Variants in PLCE1 observed in about 807,000 individuals in gnomAD.
The protein encoded by PLCE1 is 1-phosphatidylinositol 4,5-bisphosphate phosphodiesterase epsilon-1.
A neutral mutation model predicts 242.8 loss-of-function variants in PLCE1; 119 were observed. The observed-to-expected ratio is 0.49, with a 90% CI of 0.42 to 0.57. The LOEUF (loss-of-function observed/expected upper bound fraction) is 0.57. PLCE1 is among the 20% of genes least tolerant of loss of function. PLCE1 has a pLI of 0.00. For missense variants in PLCE1, 2,441 were observed against 2,788.8 expected, an observed-to-expected ratio of 0.88 and a Z score of 2.81; for synonymous variants, 945 against 1,017.4, an observed-to-expected ratio of 0.93 and a Z score of 1.35.
intron 4 of PLCE1, among the ~76,000 whole-genome samples, chr10:94,174,190 G>A (rs537764182): frequency 3.2e-4 from 48 of 152,254 alleles, no homozygotes; most frequent in Middle Eastern, 3.4e-3. Flanking sequence ...GTGAAGCTTA[G>A]GCAACAAAAT....
chr10:94,051,682 C>T (rs7922612), intron 2 of PLCE1, among the ~76,000 whole-genome samples: 59,207 of 152,026 alleles, frequency 0.39, 14,252 homozygotes, highest in African/African-American at 0.69. Flanking sequence ...AATTGAAATG[C>T]GCTGGAACTG....
rs529262421 is a variant in PLCE1, at chr10:94,147,035, C to T, written c.1492+14576C>T. Among the ~76,000 whole-genome samples, 6 of 152,230 alleles carry T rather than the reference C, an allele frequency of 3.9e-5. No homozygotes were observed. The South Asian group carries it at 1.2e-3, about 32-fold the overall frequency. Reference sequence around the variant, plus strand: ...CTTTCCAGCCTCACGATCTAGTTTTCTACACGCATAATGTAGAGAAACGCT... The same window carrying T: ...CTTTCCAGCCTCACGATCTAGTTTTTTACACGCATAATGTAGAGAAACGCT... On this transcript the variant is annotated intron_variant, in intron 3 of 32. Coordinates refer to ENST00000371380, the MANE Select transcript of PLCE1 (RefSeq NM_016341.4).
At chr10:94,041,443 C>A (rs939361426) in intron 2 of PLCE1, among the ~76,000 whole-genome samples, 3 of 152,174 alleles carry the variant, frequency 2.0e-5, no homozygotes, top group African/African-American at 7.2e-5. Flanking sequence ...CCATGCTTGT[C>A]ATCTCCCCAG....
At chr10:94,285,820 G>A (rs1234296772) in intron 22 of PLCE1, among the ~76,000 whole-genome samples, 2 of 152,182 alleles carry the variant, frequency 1.3e-5, no homozygotes, top group Non-Finnish European at 2.9e-5. Context: ...GAAGTGGAAG[G>A]AGAGATTTCC....
At chr10:94,118,024 G>A (rs2046187101) in intron 2 of PLCE1, among the ~76,000 whole-genome samples, 2 of 152,120 alleles carry the variant, frequency 1.3e-5, no homozygotes, top group African/African-American at 4.8e-5. Context: ...GCTCAGTAGA[G>A]ACATGAGAGC....
chr10:94,271,810 A>G (rs1034088190), intron 18 of PLCE1, among the ~76,000 whole-genome samples: 1 of 152,142 alleles, frequency 6.6e-6, no homozygotes, highest in Non-Finnish European at 1.5e-5. Flanking sequence ...ATATAAAGAG[A>G]AAGAATACAA....
At chr10:93,998,127 G>A (rs563830160) in intron 1 of PLCE1, among the ~76,000 whole-genome samples, 2 of 152,164 alleles carry the variant, frequency 1.3e-5, no homozygotes, top group African/African-American at 2.4e-5. Flanking sequence ...GTGGGAGTTC[G>A]ACTGGAACTG....
In PLCE1 at chr10:94,320,528, C is replaced by G. The variant is rs1035201433; in HGVS notation, c.6343-1373C>G. Among the ~76,000 whole-genome samples, 5 of 152,184 alleles carry G rather than the reference C, an allele frequency of 3.3e-5. No individual in the cohort carries two copies. In the South Asian group the frequency reaches 1.0e-3, roughly 32 times the overall value. On this transcript the variant is annotated intron_variant, in intron 29 of 32. Coordinates refer to ENST00000371380, the MANE Select transcript of PLCE1 (RefSeq NM_016341.4). The stretch of plus-strand genomic sequence containing the variant: ...ATGGGTACAATTCTAGTTGGAACTT[C>G]CAAGATAGCGACAGCAACTCATGGA...
chr10:94,064,964 CA>C, intron 2 of PLCE1, among the ~76,000 whole-genome samples: 1 of 152,248 alleles, frequency 6.6e-6, no homozygotes, highest in South Asian at 2.1e-4. Flanking sequence ...AACTTTTTCT[CA>C]TTCTTTGTTC....
Position 94,309,317 on chromosome 10 carries a change from CTT to C in PLCE1, c.6003+629_6003+630del, listed in dbSNP as rs35780786. The stretch of plus-strand genomic sequence containing the variant: ...GAAAGTGCCATAGTTGCAGAATCTG[CTT>C]TTTTTTTTTTCCAGAGACAGTGTGT... On this transcript the variant is annotated intron_variant, in intron 27 of 32. Transcript: ENST00000371380. Among the ~76,000 whole-genome samples the C allele has an allele frequency of 2.7e-3, 393 of 146,760 alleles. 3 individuals are homozygous for C. Among genetic ancestry groups the C allele is most frequent in the African/African-American group, 9.4e-3 (378 of 40,168 alleles).
intron 2 of PLCE1, among the ~76,000 whole-genome samples, chr10:94,126,105 G>T (rs758316812): frequency 6.6e-6 from 1 of 152,182 alleles, no homozygotes; most frequent in Non-Finnish European, 1.5e-5. Context: ...AACTGCAAAT[G>T]CCTTTTAAAG....
intron 4 of PLCE1, among the ~76,000 whole-genome samples, chr10:94,180,906 G>A (rs1361359537): frequency 6.6e-6 from 1 of 152,218 alleles, no homozygotes; most frequent in Non-Finnish European, 1.5e-5. Context: ...GAGCTCCCAG[G>A]CTCAGAACTA....
intron 22 of PLCE1, among the ~76,000 whole-genome samples, chr10:94,285,460 G>A (rs1330944780): frequency 1.3e-5 from 2 of 152,016 alleles, no homozygotes; most frequent in African/African-American, 2.4e-5. Flanking sequence ...ATTGACTCAT[G>A]TGCTTAAAAA....
intron 4 of PLCE1, among the ~76,000 whole-genome samples, chr10:94,190,300 C>T (rs564071488): frequency 7.9e-5 from 12 of 152,152 alleles, no homozygotes; most frequent in South Asian, 4.1e-4. Flanking sequence ...TAATTAATTA[C>T]GTTTTTTTAA....
At chr10:94,121,646 TC>T (rs1349627071) in intron 2 of PLCE1, among the ~76,000 whole-genome samples, 4 of 151,994 alleles carry the variant, frequency 2.6e-5, no homozygotes, top group Admixed American at 2.6e-4. Flanking sequence ...ACTAGTTACT[TC>T]CCCCATGCTA....
intron 18 of PLCE1, among the ~76,000 whole-genome samples, chr10:94,272,245 A>T (rs2051773092): frequency 1.3e-5 from 2 of 152,162 alleles, no homozygotes; most frequent in South Asian, 4.1e-4. Context: ...AGCTGTTTAT[A>T]GACCTCCCCC....
intron 3 of PLCE1, among the ~76,000 whole-genome samples, chr10:94,135,646 C>G (rs568151983): frequency 2.6e-5 from 4 of 152,112 alleles, no homozygotes; most frequent in African/African-American, 9.7e-5. Context: ...ACCTCTGTAA[C>G]CCATAACACA....
In PLCE1 at chr10:94,125,440, T is replaced by C. The variant is rs2046410351; in HGVS notation, c.1207-6734T>C. ...CAGAGTCTCGCTTTGTTCCCCAGGC[T>C]GGAGTGCAGTGGCGCGATCTTGGCT... On this transcript the variant is annotated intron_variant, in intron 2 of 32. Transcript: ENST00000371380. Among the ~76,000 whole-genome samples, 6 of 152,200 alleles carry C rather than the reference T, an allele frequency of 3.9e-5. No homozygotes were observed. The South Asian group carries it at 1.2e-3, about 32-fold the overall frequency.
intron 7 of PLCE1, among the ~76,000 whole-genome samples, chr10:94,244,364 G>A (rs1211088182): frequency 6.6e-6 from 1 of 152,164 alleles, no homozygotes; most frequent in Non-Finnish European, 1.5e-5. Context: ...CCACTTTGCT[G>A]GTGATGTCTG....
Sources: allele counts gnomAD v4.1 joint callset (sites outside exome capture counted in the v4.1 genomes callset), GRCh38; gene constraint gnomAD v4.1.1; transcripts MANE v1.5; gene names NCBI Gene and HGNC (gene_info 2026-07-23, HGNC 2026-07-21).